The following NAV2 variants were observed in gnomAD, a reference collection of about 807,000 sequenced individuals.
The protein encoded by NAV2 is neuron navigator 2.
NAV2 carries 54 observed loss-of-function variants against 223.2 expected under a neutral mutation model. The ratio of observed to expected loss-of-function variants is 0.24; its 90% CI spans 0.19 to 0.30. NAV2 has a LOEUF of 0.30. Ranked by LOEUF, NAV2 falls within the 10% of genes least tolerant of loss-of-function variation. The pLI, the probability that NAV2 is intolerant of heterozygous loss-of-function variation, is 1.00. For synonymous variants in NAV2, 1,279 were observed against 1,239.3 expected (o/e 1.03, Z -0.67); for missense variants, 2,806 against 3,147.5 (o/e 0.89, Z 2.60).
chr11:19,830,663 G>A (rs2059880361), intron 1 of NAV2, among the ~76,000 whole-genome samples: 1 of 152,140 alleles, frequency 6.6e-6, no homozygotes. Flanking sequence ...CTTGGCATAC[G>A]TCATTAAACA....
chr11:19,596,693 A>C (rs548755903), intron 1 of NAV2, among the ~76,000 whole-genome samples: 1 of 152,288 alleles, frequency 6.6e-6, no homozygotes, highest in East Asian at 1.9e-4. Flanking sequence ...GTTTGCTGAG[A>C]CTTCCACAGC....
chr11:20,031,701 C>A (rs1426344078), intron 11 of NAV2, among the ~76,000 whole-genome samples: 2 of 151,726 alleles, frequency 1.3e-5, no homozygotes, highest in Non-Finnish European at 2.9e-5. Context: ...ACTGGCAGCT[C>A]TAGGCTCTAT....
intron 3 of NAV2, among the ~76,000 whole-genome samples, chr11:19,861,016 C>T (rs1460463981): frequency 4.1e-5 from 4 of 97,806 alleles, no homozygotes; most frequent in East Asian, 3.5e-4. Context: ...CAGAGGGAGA[C>T]GGTGGAAAGA....
At chr11:19,684,262 C>G (rs1400516748) in intron 1 of NAV2, among the ~76,000 whole-genome samples, 1 of 152,152 alleles carries the variant, frequency 6.6e-6, no homozygotes, top group Non-Finnish European at 1.5e-5. Context: ...TATCCTAGGT[C>G]TACATGCTGG....
At chr11:19,851,899 G>A (rs2061162639) in intron 3 of NAV2, among the ~76,000 whole-genome samples, 1 of 152,098 alleles carries the variant, frequency 6.6e-6, no homozygotes, top group Admixed American at 6.5e-5. Context: ...ATTCTTATAA[G>A]ACAGAGGCAG....
chr11:19,408,790 A>T (rs141766331), intron 1 of NAV2, among the ~76,000 whole-genome samples: 2 of 151,826 alleles, frequency 1.3e-5, no homozygotes, highest in Non-Finnish European at 2.9e-5. Context: ...GGCCTGGCTG[A>T]TGCAAACTTT....
intron 1 of NAV2, among the ~76,000 whole-genome samples, chr11:19,354,911 A>G (rs558188659): frequency 4.6e-5 from 7 of 152,156 alleles, no homozygotes; most frequent in Non-Finnish European, 1.0e-4. Flanking sequence ...GCTCCTCCCT[A>G]TTCCTTTGAA....
At chr11:19,904,081 C>T (rs1353175505) in intron 6 of NAV2, among the ~76,000 whole-genome samples, 1 of 152,170 alleles carries the variant, frequency 6.6e-6, no homozygotes, top group Non-Finnish European at 1.5e-5. Flanking sequence ...TTTGAAGGCA[C>T]TAGTTGATTT....
intron 1 of NAV2, among the ~76,000 whole-genome samples, chr11:19,460,764 G>A (rs971150416): frequency 6.6e-6 from 1 of 152,078 alleles, no homozygotes; most frequent in African/African-American, 2.4e-5. Context: ...TTGCGCACAT[G>A]TATCTTAGAA....
intron 12 of NAV2, among the ~76,000 whole-genome samples, chr11:20,039,310 T>C (rs1168548306): frequency 6.6e-6 from 1 of 152,002 alleles, no homozygotes; most frequent in Non-Finnish European, 1.5e-5. Flanking sequence ...CAAGGGTGAG[T>C]GTGAAAGTAA....
chr11:19,695,203 G>A (rs1001291100), intron 1 of NAV2, among the ~76,000 whole-genome samples: 3 of 152,222 alleles, frequency 2.0e-5, no homozygotes, highest in Non-Finnish European at 2.9e-5. Flanking sequence ...TGGCCTTCAG[G>A]GAGTTGAGTC....
chr11:19,631,942 G>C (rs1242327898), intron 1 of NAV2, among the ~76,000 whole-genome samples: 1 of 152,242 alleles, frequency 6.6e-6, no homozygotes, highest in African/African-American at 2.4e-5. Flanking sequence ...ATCAGCAAGA[G>C]AGACCCACGC....
chr11:19,565,844 C>T (rs935777685), intron 1 of NAV2, among the ~76,000 whole-genome samples: 1 of 152,182 alleles, frequency 6.6e-6, no homozygotes, highest in Non-Finnish European at 1.5e-5. Context: ...GGCTGTCTCG[C>T]CATCTAAAGA....
intron 1 of NAV2, among the ~76,000 whole-genome samples, chr11:19,773,922 T>C (rs2055918539): frequency 6.6e-6 from 1 of 152,210 alleles, no homozygotes; most frequent in Admixed American, 6.5e-5. Flanking sequence ...AAATGGGAGC[T>C]TGGACAAATC....
At chr11:19,718,686 C>T (rs2050508505) in intron 1 of NAV2, among the ~76,000 whole-genome samples, 1 of 151,668 alleles carries the variant, frequency 6.6e-6, no homozygotes, top group Non-Finnish European at 1.5e-5. Context: ...TATCTGCCAA[C>T]ATGCAAGAAT....
chr11:19,845,344 A>G (rs938204677), intron 3 of NAV2, among the ~76,000 whole-genome samples: 14 of 152,224 alleles, frequency 9.2e-5, no homozygotes, highest in Admixed American at 2.6e-4. Context: ...TTTGGAGGAT[A>G]CCAAAGGAGA....
intron 3 of NAV2, among the ~76,000 whole-genome samples, chr11:19,847,121 G>A (rs1242943372): frequency 1.3e-5 from 2 of 152,202 alleles, no homozygotes; most frequent in African/African-American, 4.8e-5. Flanking sequence ...AGAGTTATCT[G>A]TTAGTGTGGA....
chr11:19,912,179 A>C (rs949535051), intron 6 of NAV2, among the ~76,000 whole-genome samples: 5 of 152,242 alleles, frequency 3.3e-5, no homozygotes, highest in African/African-American at 1.2e-4. Flanking sequence ...GCCAAAGACA[A>C]GATGAGCTAG....
chr11:20,106,384 C>T (rs1351005100), intron 35 of NAV2, among the ~76,000 whole-genome samples: 1 of 147,202 alleles, frequency 6.8e-6, no homozygotes, highest in Non-Finnish European at 1.5e-5. Flanking sequence ...CATGGTGAAA[C>T]CCTGTCTCTA....
Sources: allele counts gnomAD v4.1 joint callset (sites outside exome capture counted in the v4.1 genomes callset), GRCh38; gene constraint gnomAD v4.1.1; transcripts MANE v1.5; gene names NCBI Gene and HGNC (gene_info 2026-07-23, HGNC 2026-07-21).